The following TSBP1 variants were observed in gnomAD, a reference collection of about 807,000 sequenced individuals.
The protein encoded by TSBP1 is testis expressed basic protein 1.
TSBP1 carries 56 observed loss-of-function variants against 68.8 expected under a neutral mutation model. The ratio of observed to expected loss-of-function variants is 0.81; its 90% CI spans 0.66 to 1.02. TSBP1 has a LOEUF of 1.02. Among genes scored for constraint, TSBP1 ranks in the 50% least tolerant of loss-of-function variants. The pLI is 0.00. For synonymous variants in TSBP1, 171 were observed against 208.7 expected (o/e 0.82, Z 1.56); for missense variants, 502 against 641.2 (o/e 0.78, Z 2.34).
At chr6:32,295,847 T>C (rs917059413) in intron 22 of TSBP1, among the ~76,000 whole-genome samples, 5 of 150,130 alleles carry the variant, frequency 3.3e-5, no homozygotes, top group Admixed American at 1.3e-4. Context: ...AATTTCTTTT[T>C]TTTTTTTTTT....
intron 10 of TSBP1, 78 bp from the exon 12 acceptor site, chr6:32,339,077 C>CA (rs1352017772): frequency 8.9e-7 from 1 of 1,122,850 alleles, no homozygotes; most frequent in Admixed American, 1.7e-5. Flanking sequence ...TCAGATCAAG[C>CA]ATTTACTACA....
At chr6:32,362,365 C>T (rs1773160108) in intron 6 of TSBP1, among the ~76,000 whole-genome samples, 1 of 151,984 alleles carries the variant, frequency 6.6e-6, no homozygotes, top group Non-Finnish European at 1.5e-5. Flanking sequence ...CCCTGTACCA[C>T]TTCAGGAATC....
At chr6:32,352,292 G>C (rs1341990814) in intron 8 of TSBP1, among the ~76,000 whole-genome samples, 1 of 151,964 alleles carries the variant, frequency 6.6e-6, no homozygotes, top group Non-Finnish European at 1.5e-5. Context: ...TTTGGAAAGA[G>C]TAGTTTGGAG....
intron 6 of TSBP1, among the ~76,000 whole-genome samples, chr6:32,359,442 T>G (rs1772745290): frequency 6.6e-6 from 1 of 152,208 alleles, no homozygotes; most frequent in South Asian, 2.1e-4. Context: ...CATAAATGTC[T>G]TCTTTTTAGA....
intron 9 of TSBP1, among the ~76,000 whole-genome samples, chr6:32,346,818 G>A (rs1362625908): frequency 1.3e-5 from 2 of 151,408 alleles, no homozygotes; most frequent in East Asian, 1.9e-4. Context: ...CCTGGGTAAC[G>A]GAGTGAGATT....
chr6:32,299,780 A>G (rs1287891173), intron 22 of TSBP1, 142 bp downstream of exon 25: 10 of 694,000 alleles, frequency 1.4e-5, no homozygotes, highest in East Asian at 2.6e-5. Context: ...GCGGGGGGGA[A>G]CCTTGGAAGT....
rs148394151 is a variant in TSBP1 at position 32,343,386 on chromosome 6, C to A, written c.350-3748G>T. ...CTTTCCATTCCCCTGTAGGTAGGCTCATAAAGTGGCCACACTTGCAAGTGA... is the reference window on the plus strand; with the variant it reads ...CTTTCCATTCCCCTGTAGGTAGGCTAATAAAGTGGCCACACTTGCAAGTGA... On this transcript the variant is annotated intron_variant, in intron 9 of 22. Coordinates refer to ENST00000612031, the Ensembl canonical transcript of TSBP1. This position sits in a 1 kb window ranked among gnomAD's most constrained non-coding sequence, Gnocchi z 4.3. 53 of 463,732 alleles carry A rather than the reference C, an allele frequency of 1.1e-4. No homozygotes were observed. In the East Asian group the frequency reaches 1.9e-3, roughly 16 times the overall value. 28.7% of individuals were successfully genotyped at this position (463,732 alleles called of 1,614,324 possible).
intron 16 of TSBP1, among the ~76,000 whole-genome samples, chr6:32,326,529 A>G (rs1768236781): frequency 6.6e-6 from 1 of 152,206 alleles, no homozygotes; most frequent in Admixed American, 6.5e-5. Context: ...TAATGGAAAA[A>G]TAAGGGACCA....
chr6:32,292,845 A>G lies in TSBP1; in HGVS notation c.*136T>C. 1.6e-6 allele frequency: 1 copy of G among 620,070 alleles called. No homozygotes were observed. The highest frequency in any genetic ancestry group is 2.2e-5 in the South Asian group (1 of 45,502). The allele number at this position is 620,070 out of a possible 1,614,324, so 38.4% of individuals were successfully genotyped here. A position where few individuals can be genotyped will look rare whatever the true frequency, so the allele number is the denominator to read the frequency against. On this transcript the variant is annotated 3_prime_UTR_variant, in exon 23 of 23. Coordinates refer to ENST00000612031, the Ensembl canonical transcript of TSBP1. This position sits in a 1 kb window ranked among gnomAD's most constrained non-coding sequence, Gnocchi z 4.1. The stretch of plus-strand genomic sequence containing the variant: ...ATTAAAAAGGGTGAAACTTCTGAAG[A>G]GCAGAAACTGTGATATGAAGATGAA...
rs2127581740 is a variant in TSBP1 at position 32,316,671 on chromosome 6, T to G, written c.560-879A>C. Among the ~76,000 whole-genome samples, 1 of 152,284 alleles carries G rather than the reference T, an allele frequency of 6.6e-6. No homozygotes were observed. Among genetic ancestry groups the G allele is most frequent in the Non-Finnish European group, 1.5e-5 (1 of 68,026 alleles). On this transcript the variant is annotated intron_variant, in intron 18 of 22. Coordinates refer to ENST00000612031, the Ensembl canonical transcript of TSBP1. This position sits in a 1 kb window ranked among gnomAD's most constrained non-coding sequence, Gnocchi z 4.5. ...AATGTAATTAAAGCACCTATATAAT[T>G]CTATAGGAGGTGCAAAGTACATATG...
rs1040665500 is a variant in TSBP1 at position 32,339,588 on chromosome 6, T to C, written c.388+12A>G. The C allele has an allele frequency of 9.5e-6, 12 of 1,263,144 alleles. No individual in the cohort carries two copies. Among genetic ancestry groups the C allele is most frequent in the South Asian group, 1.2e-5 (1 of 80,026 alleles). 78.2% of individuals were successfully genotyped at this position (1,263,144 alleles called of 1,614,324 possible). A position where few individuals can be genotyped will look rare whatever the true frequency, so the allele number is the denominator to read the frequency against. Reference sequence around the variant, plus strand: ...TAAAAAAAGGACTGAGTTGTATATATGGGAAACTTACAAGGAGGTTCTTCA... The same window carrying C: ...TAAAAAAAGGACTGAGTTGTATATACGGGAAACTTACAAGGAGGTTCTTCA... On this transcript the variant is annotated intron_variant, in intron 10 of 22. Coordinates refer to ENST00000612031, the Ensembl canonical transcript of TSBP1.
intron 8 of TSBP1, among the ~76,000 whole-genome samples, chr6:32,354,547 T>C (rs1772067387): frequency 1.3e-5 from 2 of 152,162 alleles, no homozygotes; most frequent in African/African-American, 4.8e-5. Context: ...AATGCTCATA[T>C]ACAATGTGAA....
chr6:32,296,573 G>C (rs1389366361), intron 22 of TSBP1, among the ~76,000 whole-genome samples: 1 of 152,224 alleles, frequency 6.6e-6, no homozygotes, highest in Non-Finnish European at 1.5e-5. Flanking sequence ...AGTGCTACCA[G>C]TGGACACTGT....
In TSBP1 at chr6:32,336,044, G is replaced by A. The variant is rs1254716458; in HGVS notation, c.431-112C>T. 5.4e-6 allele frequency: 5 copies of A among 932,082 alleles called. No homozygotes were observed. The highest frequency in any genetic ancestry group is 1.6e-5 in the African/African-American group (1 of 61,878). The allele number at this position is 932,082 out of a possible 1,614,324, so 57.7% of individuals were successfully genotyped here. ...AGGGAGTATCATAAATAGAAACAAC[G>A]GGAAGATCAAGAGTTGCTTGTATGG... On this transcript the variant is annotated intron_variant, in intron 12 of 22. Transcript: ENST00000612031. This position sits in a 1 kb window ranked among gnomAD's most constrained non-coding sequence, Gnocchi z 5.2.
intron 19 of TSBP1, among the ~76,000 whole-genome samples, chr6:32,303,440 A>ATTTCTTT (rs9281728): frequency 0.21 from 31,767 of 151,310 alleles, 3,477 homozygotes; most frequent in East Asian, 0.22. Context: ...TCCCTGGTAA[A>ATTTCTTT]TTTCTTTGCA....
rs1562148511 is a variant in TSBP1, at chr6:32,343,183, T to C, written c.350-3545A>G. 9.1e-7 allele frequency: 1 copy of C among 1,101,500 alleles called. No individual in the cohort carries two copies. Among genetic ancestry groups the C allele is most frequent in the Non-Finnish European group, 1.2e-6 (1 of 831,756 alleles). 68.2% of individuals were successfully genotyped at this position (1,101,500 alleles called of 1,614,324 possible). On this transcript the variant is annotated intron_variant, in intron 9 of 22. Coordinates refer to ENST00000612031, the Ensembl canonical transcript of TSBP1. This position sits in a 1 kb window ranked among gnomAD's most constrained non-coding sequence, Gnocchi z 4.3. ...ATAGTTAAGACAGGGAGAAGTCCTC[T>C]GCCTAGCATAGGAGCCCAACAACAC... is the stretch of plus-strand genomic sequence containing the variant.
chr6:32,338,611 G>C lies in TSBP1; in HGVS notation c.409+368C>G, dbSNP rs1368998064. Among the ~76,000 whole-genome samples the C allele has an allele frequency of 2.6e-5, 4 of 152,104 alleles. No homozygotes were observed. Among genetic ancestry groups the C allele is most frequent in the Non-Finnish European group, 4.4e-5 (3 of 68,010 alleles). On this transcript the variant is annotated intron_variant, in intron 11 of 22. Transcript: ENST00000612031. The surrounding 1 kb of genome is among the most constrained non-coding windows in gnomAD (Gnocchi z 5.5). ...CTGGGATCCTCGGTCAGTGAGCTGG[G>C]ACTCACTGCATGTCACTGAAATTTT...
chr6:32,297,020 GA>G (rs1764792838), intron 22 of TSBP1, among the ~76,000 whole-genome samples: 4 of 152,036 alleles, frequency 2.6e-5, no homozygotes, highest in African/African-American at 9.7e-5. Flanking sequence ...AATTAACATA[GA>G]TTAGATTTAC....
intron 22 of TSBP1, among the ~76,000 whole-genome samples, chr6:32,299,688 G>T (rs1765084666): frequency 6.6e-6 from 1 of 152,112 alleles, no homozygotes; most frequent in Non-Finnish European, 1.5e-5. Flanking sequence ...GGAGGCTGAG[G>T]CAGGAGGATC....
Sources: allele counts gnomAD v4.1 joint callset (sites outside exome capture counted in the v4.1 genomes callset), GRCh38; gene constraint gnomAD v4.1.1; non-coding constraint Gnocchi (gnomAD v3.1); transcripts MANE v1.5; gene names NCBI Gene and HGNC (gene_info 2026-07-23, HGNC 2026-07-21).